The following SLC1A1 variants were observed in gnomAD, a reference collection of about 807,000 sequenced individuals.
SLC1A1 encodes solute carrier family 1 member 1, also known as excitatory amino acid transporter 3.
SLC1A1 carries 43 observed loss-of-function variants against 53.3 expected under a neutral mutation model. The observed-to-expected ratio is 0.81, with a 90% CI of 0.63 to 1.04. The LOEUF (loss-of-function observed/expected upper bound fraction) is 1.04, where lower values mean the gene tolerates loss of function less well. SLC1A1 is among the 50% of genes least tolerant of loss of function. The pLI, the probability that SLC1A1 is intolerant of heterozygous loss-of-function variation, is 0.00. For missense variants in SLC1A1, 748 were observed against 664.9 expected (o/e 1.12, Z -1.37); for synonymous variants, 307 against 243.2 (o/e 1.26, Z -2.44).
chr9:4,490,925 C>T (rs906772397), intron 1 of SLC1A1, among the ~76,000 whole-genome samples, 155 bp downstream of exon 1: 1 of 152,178 alleles, frequency 6.6e-6, no homozygotes, highest in African/African-American at 2.4e-5. Context: ...CGGGGGCTTT[C>T]CCCCAAGCGC....
At chr9:4,533,989 T>G (rs1430828942) in intron 1 of SLC1A1, among the ~76,000 whole-genome samples, 4 of 152,050 alleles carry the variant, frequency 2.6e-5, no homozygotes, top group African/African-American at 9.7e-5. Context: ...AAGGCAGAAA[T>G]AAAGATGTTC....
rs559058358 is a variant in SLC1A1, at chr9:4,493,852, G to A, written c.91+3082G>A. Among the ~76,000 whole-genome samples the A allele has an allele frequency of 5.0e-4, 76 of 152,300 alleles. 1 individual carries two copies. The South Asian group carries it at 0.012, about 24-fold the overall frequency. ...AAGAGGCAAAGATTTTTATGAGCCAGCTTAAAGCCTGATTTTTCAAGATAC... is the reference window on the plus strand; with the variant it reads ...AAGAGGCAAAGATTTTTATGAGCCAACTTAAAGCCTGATTTTTCAAGATAC... On this transcript the variant is annotated intron_variant, in intron 1 of 11. Transcript: ENST00000262352.
intron 1 of SLC1A1, among the ~76,000 whole-genome samples, chr9:4,508,230 A>G (rs1185807790): frequency 6.6e-6 from 1 of 152,238 alleles, no homozygotes; most frequent in African/African-American, 2.4e-5. Flanking sequence ...AAAAAGTAGA[A>G]TAAAGAGAGT....
chr9:4,520,132 T>C (rs1217164768), intron 1 of SLC1A1, among the ~76,000 whole-genome samples: 4 of 152,204 alleles, frequency 2.6e-5, no homozygotes, highest in Non-Finnish European at 4.4e-5. Flanking sequence ...TCATCATCTT[T>C]TGAGCTGTTA....
chr9:4,563,966 G>C (rs1279426914), intron 3 of SLC1A1, among the ~76,000 whole-genome samples: 2 of 152,166 alleles, frequency 1.3e-5, no homozygotes, highest in Non-Finnish European at 2.9e-5. Flanking sequence ...CTCTGGGCTA[G>C]AAAATGGATC....
intron 4 of SLC1A1, among the ~76,000 whole-genome samples, chr9:4,565,159 T>C (rs189442678): frequency 2.6e-5 from 4 of 152,214 alleles, no homozygotes; most frequent in Admixed American, 2.0e-4. Context: ...AATCTAACCA[T>C]AAAAATTTTA....
intron 1 of SLC1A1, among the ~76,000 whole-genome samples, chr9:4,501,017 G>C (rs899112119): frequency 2.6e-5 from 4 of 152,098 alleles, no homozygotes; most frequent in Non-Finnish European, 5.9e-5. Flanking sequence ...CCAGCCCTGA[G>C]AAGATAAGAC....
At position 4,549,791 on chromosome 9, in the gene SLC1A1, C is replaced by T. The variant is rs1249501280; in HGVS notation, c.232+5084C>T. Among the ~76,000 whole-genome samples, 1 of 152,136 alleles carries T rather than the reference C, an allele frequency of 6.6e-6. No homozygotes were observed. Among genetic ancestry groups the T allele is most frequent in the Non-Finnish European group, 1.5e-5 (1 of 68,028 alleles). The stretch of plus-strand genomic sequence containing the variant: ...TTCCATAGACTCCATACCATAGTAC[C>T]TGCTGGGTTATTGCAACCACCCTGC... On this transcript the variant is annotated intron_variant, in intron 2 of 11. Coordinates refer to ENST00000262352, the MANE Select transcript of SLC1A1 (RefSeq NM_004170.6). This position sits in a 1 kb window ranked among gnomAD's most constrained non-coding sequence, Gnocchi z 4.1.
chr9:4,547,795 A>G (rs1204465596), intron 2 of SLC1A1, among the ~76,000 whole-genome samples: 1 of 152,116 alleles, frequency 6.6e-6, no homozygotes, highest in East Asian at 1.9e-4. Context: ...ATGTATACAA[A>G]TTTATCTTTT....
intron 1 of SLC1A1, among the ~76,000 whole-genome samples, chr9:4,540,439 A>C (rs1028451723): frequency 1.3e-5 from 2 of 152,116 alleles, no homozygotes; most frequent in Non-Finnish European, 2.9e-5. Flanking sequence ...GTCTCATGCA[A>C]AAAGGCAGAG....
chr9:4,555,500 T>C (rs1466349091), intron 2 of SLC1A1, among the ~76,000 whole-genome samples: 2 of 152,238 alleles, frequency 1.3e-5, no homozygotes, highest in African/African-American at 4.8e-5. Context: ...TTCAGATGAT[T>C]ACTGCTTTGG....
At chr9:4,505,045 C>CTTTTTTTT (rs3038189) in intron 1 of SLC1A1, among the ~76,000 whole-genome samples, 26 of 114,998 alleles carry the variant, frequency 2.3e-4, no homozygotes, top group Non-Finnish European at 3.4e-4. Context: ...ACATATATTT[C>CTTTTTTTT]TTTTTTTTTT....
chr9:4,534,308 T>C (rs1421353642), intron 1 of SLC1A1, among the ~76,000 whole-genome samples: 1 of 151,962 alleles, frequency 6.6e-6, no homozygotes, highest in Non-Finnish European at 1.5e-5. Context: ...ATTGATAGAC[T>C]GCTAGCAAGA....
At chr9:4,575,877 A>G (rs1015879560) in intron 8 of SLC1A1, 124 bp from the exon 9 acceptor site, 7 of 1,114,942 alleles carry the variant, frequency 6.3e-6, no homozygotes, top group Middle Eastern at 2.2e-4. Context: ...CCCTACTCCC[A>G]TTTCTTATTG....
chr9:4,519,914 T>C (rs1199649228), intron 1 of SLC1A1, among the ~76,000 whole-genome samples: 1 of 152,242 alleles, frequency 6.6e-6, no homozygotes, highest in Non-Finnish European at 1.5e-5. Flanking sequence ...AGTCATTAAT[T>C]AATGACAGTT....
intron 2 of SLC1A1, chr9:4,559,793 GCTTGGTAGTGT>G (rs2129653383): frequency 6.6e-6 from 1 of 152,304 alleles, no homozygotes; most frequent in Admixed American, 6.5e-5. Flanking sequence ...TGGAAATCAG[GCTTGGTAGTGT>G]CTGAAACCTC....
intron 8 of SLC1A1, 72 bp from the exon 9 acceptor site, chr9:4,575,928 TG>T: frequency 6.5e-7 from 1 of 1,542,596 alleles, no homozygotes; most frequent in Non-Finnish European, 9.0e-7. Context: ...ATTAAAAAGA[TG>T]TTTGATAAAA....
At chr9:4,528,445 C>G (rs1001929893) in intron 1 of SLC1A1, among the ~76,000 whole-genome samples, 12 of 151,826 alleles carry the variant, frequency 7.9e-5, no homozygotes, top group South Asian at 2.1e-4. Flanking sequence ...GCATGGTGGC[C>G]GGTGCCTGTA....
chr9:4,517,520 C>A (rs114514400), intron 1 of SLC1A1, among the ~76,000 whole-genome samples: 2 of 152,216 alleles, frequency 1.3e-5, no homozygotes, highest in Non-Finnish European at 2.9e-5. Context: ...TTGTGTTCCA[C>A]GTGCTGATTT....
Sources: allele counts gnomAD v4.1 joint callset (sites outside exome capture counted in the v4.1 genomes callset), GRCh38; gene constraint gnomAD v4.1.1; non-coding constraint Gnocchi (gnomAD v3.1); transcripts MANE v1.5; gene names NCBI Gene and HGNC (gene_info 2026-07-23, HGNC 2026-07-21).